SNTG1: variants seen among roughly 807,000 people sequenced by gnomAD.
SNTG1 encodes syntrophin gamma 1, also known as gamma-1-syntrophin.
In SNTG1, 39 loss-of-function variants were observed where a neutral mutation model predicts 74.7. The observed-to-expected ratio is 0.52, with a 90% CI of 0.40 to 0.68. The LOEUF (loss-of-function observed/expected upper bound fraction) is 0.68. SNTG1 is among the 30% of genes least tolerant of loss of function. The pLI is 0.00. For missense variants in SNTG1, 685 were observed against 609.5 expected (o/e 1.12, Z -1.30); for synonymous variants, 254 against 217.1 (o/e 1.17, Z -1.49).
intron 2 of SNTG1, among the ~76,000 whole-genome samples, chr8:50,260,819 A>G (rs144409977): frequency 1.3e-3 from 195 of 152,024 alleles, no homozygotes; most frequent in African/African-American, 4.6e-3. Flanking sequence ...AATACTTTTG[A>G]TGGGCTTATT....
At chr8:50,539,309 G>GTTC (rs1563544158) in intron 11 of SNTG1, among the ~76,000 whole-genome samples, 1 of 152,082 alleles carries the variant, frequency 6.6e-6, no homozygotes, top group Non-Finnish European at 1.5e-5. Flanking sequence ...TGTTGTTGTT[G>GTTC]TTGTTCTTGT....
At chr8:50,075,369 T>G (rs1821763887) in intron 1 of SNTG1, among the ~76,000 whole-genome samples, 1 of 152,192 alleles carries the variant, frequency 6.6e-6, no homozygotes, top group Admixed American at 6.5e-5. Flanking sequence ...GAGGATTGTA[T>G]ATGCACCAAT....
chr8:50,340,976 C>T (rs1390212072), intron 2 of SNTG1, among the ~76,000 whole-genome samples: 1 of 151,886 alleles, frequency 6.6e-6, no homozygotes, highest in Non-Finnish European at 1.5e-5. Flanking sequence ...TCAATTGAGA[C>T]TTAATTCATC....
chr8:50,158,342 A>T (rs2082314352), intron 1 of SNTG1, among the ~76,000 whole-genome samples: 1 of 152,130 alleles, frequency 6.6e-6, no homozygotes, highest in Non-Finnish European at 1.5e-5. Flanking sequence ...AATTGTACCC[A>T]TGTGCAAAGT....
intron 13 of SNTG1, among the ~76,000 whole-genome samples, chr8:50,638,918 C>T (rs897376921): frequency 2.6e-5 from 4 of 152,002 alleles, no homozygotes; most frequent in African/African-American, 9.7e-5. Flanking sequence ...TCCAACTAGA[C>T]CCAAAGCTAT....
intron 15 of SNTG1, among the ~76,000 whole-genome samples, chr8:50,699,605 T>C (rs2131498388): frequency 6.6e-6 from 1 of 152,192 alleles, no homozygotes; most frequent in South Asian, 2.1e-4. Flanking sequence ...TCTGGAGAAG[T>C]GAGAAAATTG....
intron 1 of SNTG1, among the ~76,000 whole-genome samples, chr8:49,979,196 C>G (rs895316668): frequency 2.0e-5 from 3 of 152,222 alleles, no homozygotes; most frequent in African/African-American, 7.2e-5. Flanking sequence ...TTCACAATGG[C>G]GAGACGCAGA....
intron 1 of SNTG1, among the ~76,000 whole-genome samples, chr8:50,027,413 C>A (rs1817362590): frequency 6.6e-6 from 1 of 152,154 alleles, no homozygotes. Flanking sequence ...TCTCTGTCTA[C>A]CCAGAACATC....
intron 2 of SNTG1, among the ~76,000 whole-genome samples, chr8:50,216,523 C>T (rs901485474): frequency 6.6e-6 from 1 of 152,062 alleles, no homozygotes; most frequent in African/African-American, 2.4e-5. Context: ...GGGATGAAAG[C>T]AGGTTGCTTC....
At chr8:50,671,685 C>T (rs1303211197) in intron 15 of SNTG1, among the ~76,000 whole-genome samples, 1 of 150,348 alleles carries the variant, frequency 6.7e-6, no homozygotes, top group African/African-American at 2.4e-5. Flanking sequence ...CCAGCAATCC[C>T]ATTCCTAGGT....
Position 50,716,258 on chromosome 8 carries a change from GAC to G in SNTG1, c.1284+7282_1284+7283del, listed in dbSNP as rs2095474721. Among the ~76,000 whole-genome samples, 3 of 151,750 alleles carry G rather than the reference GAC, an allele frequency of 2.0e-5. No homozygotes were observed. In the East Asian group the frequency reaches 5.8e-4, roughly 29 times the overall value. ...AATCTTTCAATTATTTCACATCAAA[GAC>G]AGTTACTAAAAATATTAAAAAAATT... On this transcript the variant is annotated intron_variant, in intron 17 of 18. Coordinates refer to ENST00000642720, the MANE Select transcript of SNTG1 (RefSeq NM_018967.5).
At chr8:50,151,144 G>T (rs2082054827) in intron 1 of SNTG1, among the ~76,000 whole-genome samples, 1 of 152,138 alleles carries the variant, frequency 6.6e-6, no homozygotes, top group Non-Finnish European at 1.5e-5. Context: ...TCTTGGGATG[G>T]TGTATGTGTC....
At chr8:50,069,284 T>C (rs1821152321) in intron 1 of SNTG1, among the ~76,000 whole-genome samples, 1 of 152,186 alleles carries the variant, frequency 6.6e-6, no homozygotes, top group Admixed American at 6.5e-5. Context: ...GGTATCATGT[T>C]GGTGGCCAGT....
intron 15 of SNTG1, among the ~76,000 whole-genome samples, chr8:50,688,614 C>A (rs201385665): frequency 4.6e-5 from 7 of 152,164 alleles, no homozygotes; most frequent in South Asian, 4.1e-4. Context: ...CCATTGGTCT[C>A]TATCTCTGTT....
chr8:50,026,577 A>C (rs1817280606), intron 1 of SNTG1, among the ~76,000 whole-genome samples: 1 of 152,166 alleles, frequency 6.6e-6, no homozygotes, highest in Non-Finnish European at 1.5e-5. Context: ...TTATGAGTTT[A>C]AGGATGGTTC....
At chr8:50,355,572 T>C (rs538635880) in intron 2 of SNTG1, among the ~76,000 whole-genome samples, 7 of 152,336 alleles carry the variant, frequency 4.6e-5, no homozygotes, top group Admixed American at 2.0e-4. Context: ...AAAATATTTT[T>C]GTTCTGCCTT....
At chr8:50,743,948 A>G (rs2095549475) in intron 17 of SNTG1, among the ~76,000 whole-genome samples, 1 of 147,924 alleles carries the variant, frequency 6.8e-6, no homozygotes, top group Non-Finnish European at 1.5e-5. Flanking sequence ...AGCTTGTCAC[A>G]TGGCAAAAAT....
chr8:50,334,000 G>T (rs761857912), intron 2 of SNTG1, among the ~76,000 whole-genome samples: 2 of 152,104 alleles, frequency 1.3e-5, no homozygotes, highest in South Asian at 2.1e-4. Context: ...GGGTTCAAGC[G>T]ATTCTCCTGC....
chr8:50,255,270 T>A (rs1221023004), intron 2 of SNTG1, among the ~76,000 whole-genome samples: 1 of 152,216 alleles, frequency 6.6e-6, no homozygotes, highest in Non-Finnish European at 1.5e-5. Context: ...ATGATTGGTA[T>A]TCTTAGCACT....
Sources: gnomAD v4.1 joint callset for allele counts (sites outside exome capture counted in the v4.1 genomes callset) on GRCh38, gnomAD v4.1.1 for gene constraint, MANE v1.5 for transcripts, NCBI Gene and HGNC (gene_info 2026-07-23, HGNC 2026-07-21) for gene names.